The following RAPGEF5 variants were observed in gnomAD, a reference collection of about 807,000 sequenced individuals.
RAPGEF5 encodes the protein Rap guanine nucleotide exchange factor 5.
RAPGEF5 carries 65 observed loss-of-function variants against 125.2 expected under a neutral mutation model. The ratio of observed to expected loss-of-function variants is 0.52; its 90% confidence interval spans 0.43 to 0.64. The LOEUF is 0.64. Among genes scored for constraint, RAPGEF5 ranks in the 30% least tolerant of loss-of-function variants. The pLI is 0.00. For missense variants in RAPGEF5, 958 were observed against 1,048.1 expected (o/e 0.91, Z 1.19); for synonymous variants, 391 against 385.9 (o/e 1.01, Z -0.16).
chr7:22,140,237 T>C (rs546429344), intron 20 of RAPGEF5, 122 bp from the exon 21 acceptor site: 8 of 811,634 alleles, frequency 9.9e-6, no homozygotes, highest in Admixed American at 9.5e-5. Context: ...CTCTACAGCC[T>C]ACGTACCCCT....
chr7:22,166,597 G>A (rs1306495927), intron 12 of RAPGEF5, among the ~76,000 whole-genome samples: 2 of 152,256 alleles, frequency 1.3e-5, no homozygotes, highest in African/African-American at 4.8e-5. Flanking sequence ...CCAGGGGTTA[G>A]GTTCGACCTC....
At chr7:22,203,675 C>T (rs905861971) in intron 9 of RAPGEF5, among the ~76,000 whole-genome samples, 13 of 152,196 alleles carry the variant, frequency 8.5e-5, no homozygotes, top group Admixed American at 6.5e-4. Context: ...TTAGAAGGCC[C>T]GAGGGAATAG....
chr7:22,278,874 T>G (rs569614815), intron 6 of RAPGEF5, among the ~76,000 whole-genome samples: 1 of 152,022 alleles, frequency 6.6e-6, no homozygotes, highest in Non-Finnish European at 1.5e-5. Flanking sequence ...TTAATTTATA[T>G]GCATAGTGCC....
In RAPGEF5 at chr7:22,305,456, G is replaced by A. The variant is rs1007768166; in HGVS notation, c.680+2883C>T. Among the ~76,000 whole-genome samples the A allele has an allele frequency of 2.8e-4, 43 of 151,922 alleles. 1 individual carries two copies. Among genetic ancestry groups the A allele is most frequent in the African/African-American group, 9.9e-4 (41 of 41,412 alleles). On this transcript the variant is annotated intron_variant, in intron 5 of 25. Transcript: ENST00000665637. ...ACAGAGTAGGTATATATATTTACGG[G>A]GTACATGAGATGTTTCGATACAGGC...
intron 11 of RAPGEF5, among the ~76,000 whole-genome samples, chr7:22,168,894 G>T (rs1365690714): frequency 6.6e-6 from 1 of 152,182 alleles, no homozygotes; most frequent in Non-Finnish European, 1.5e-5. Flanking sequence ...AGTATTAACA[G>T]AATTTATCTG....
intron 7 of RAPGEF5, among the ~76,000 whole-genome samples, chr7:22,235,159 T>C (rs968708353): frequency 1.1e-4 from 16 of 152,198 alleles, no homozygotes; most frequent in Non-Finnish European, 1.9e-4. Flanking sequence ...AAATAACTTA[T>C]TGGGTACTCT....
intron 5 of RAPGEF5, 142 bp downstream of exon 5, chr7:22,308,197 T>G: frequency 3.5e-6 from 3 of 854,324 alleles, no homozygotes; most frequent in Non-Finnish European, 5.0e-6. Flanking sequence ...TATTTTATCT[T>G]TCTAAATGTG....
intron 17 of RAPGEF5, 63 bp downstream of exon 17, chr7:22,154,392 C>G: frequency 6.4e-7 from 1 of 1,567,888 alleles, no homozygotes; most frequent in Non-Finnish European, 8.7e-7. Flanking sequence ...ACAAAAATGT[C>G]ACCTCCCTCC....
Position 22,214,072 on chromosome 7 carries a change from T to C in RAPGEF5, c.996+5794A>G, listed in dbSNP as rs1173472266. On this transcript the variant is annotated intron_variant, in intron 9 of 25. Coordinates refer to ENST00000665637, the MANE Select transcript of RAPGEF5 (RefSeq NM_012294.5). ...AGAATACTCCAAACCACTTCTCCCC[T>C]CGTAATCCTTAAACAAGGAACCTTT... 2.0e-5 allele frequency among the ~76,000 whole-genome samples: 3 copies of C among 152,174 alleles called. No homozygotes were observed. In the South Asian group the frequency reaches 6.2e-4, roughly 32 times the overall value.
intron 6 of RAPGEF5, among the ~76,000 whole-genome samples, chr7:22,287,741 G>A (rs2128146465): frequency 6.6e-6 from 1 of 152,284 alleles, no homozygotes; most frequent in South Asian, 2.1e-4. Context: ...AAGTTTATAT[G>A]CCATTGTCAA....
chr7:22,225,730 T>C (rs1400093256), intron 8 of RAPGEF5, among the ~76,000 whole-genome samples: 1 of 152,182 alleles, frequency 6.6e-6, no homozygotes, highest in Non-Finnish European at 1.5e-5. Context: ...CTGTGTAAAA[T>C]TAATTATAAA....
At chr7:22,265,703 T>C (rs1212295990) in intron 7 of RAPGEF5, among the ~76,000 whole-genome samples, 1 of 152,182 alleles carries the variant, frequency 6.6e-6, no homozygotes, top group Non-Finnish European at 1.5e-5. Flanking sequence ...CAACAGTTTA[T>C]GAGAGTTTCC....
intron 9 of RAPGEF5, among the ~76,000 whole-genome samples, chr7:22,196,904 T>C (rs1785160103): frequency 6.6e-6 from 1 of 152,136 alleles, no homozygotes. Context: ...GCTTTGGTAA[T>C]GGATGAGATT....
At chr7:22,186,726 A>AT (rs1490213754) in intron 11 of RAPGEF5, among the ~76,000 whole-genome samples, 2 of 152,198 alleles carry the variant, frequency 1.3e-5, no homozygotes, top group African/African-American at 2.4e-5. Flanking sequence ...TCACAGTTAC[A>AT]TTTTTTATAG....
At chr7:22,191,763 A>T in intron 11 of RAPGEF5, 1 of 432,512 alleles carries the variant, frequency 2.3e-6, no homozygotes, top group South Asian at 1.7e-5. Context: ...AGTGTTAAGT[A>T]GTGGGAACCT....
chr7:22,212,175 G>A (rs372957069), intron 9 of RAPGEF5, among the ~76,000 whole-genome samples: 11 of 152,052 alleles, frequency 7.2e-5, no homozygotes, highest in African/African-American at 2.2e-4. Flanking sequence ...GAGTTTCACC[G>A]TGTTAGCCAG....
intron 1 of RAPGEF5, among the ~76,000 whole-genome samples, chr7:22,350,793 T>C (rs1784316536): frequency 2.0e-5 from 3 of 152,244 alleles, no homozygotes; most frequent in African/African-American, 7.2e-5. Context: ...CTTTTCCTTC[T>C]TCCCAAATAA....
intron 11 of RAPGEF5, among the ~76,000 whole-genome samples, chr7:22,177,102 C>A (rs1784532615): frequency 6.6e-6 from 1 of 152,148 alleles, no homozygotes; most frequent in Non-Finnish European, 1.5e-5. Context: ...GGTCAGCAAC[C>A]ATTTACTGAA....
intron 24 of RAPGEF5, among the ~76,000 whole-genome samples, chr7:22,130,665 G>T (rs1782887086): frequency 6.6e-6 from 1 of 152,156 alleles, no homozygotes; most frequent in Non-Finnish European, 1.5e-5. Context: ...ACTGAGAGAT[G>T]CCTATAAAGC....
Sources: gnomAD v4.1 joint callset for allele counts (sites outside exome capture counted in the v4.1 genomes callset) on GRCh38, gnomAD v4.1.1 for gene constraint, MANE v1.5 for transcripts, NCBI Gene and HGNC (gene_info 2026-07-23, HGNC 2026-07-21) for gene names.